TBC1D31: variants seen among roughly 807,000 people sequenced by gnomAD.
The protein encoded by TBC1D31 is WD repeat domain 67.
TBC1D31 carries 99 observed loss-of-function variants against 132.9 expected under a neutral mutation model. That is an observed-to-expected ratio of 0.74 (90% CI 0.63 to 0.88). The LOEUF is 0.88. Ranked by LOEUF, TBC1D31 falls within the 40% of genes least tolerant of loss-of-function variation. TBC1D31 has a pLI of 0.00. For missense variants in TBC1D31, 1,134 were observed against 1,256.6 expected, an observed-to-expected ratio of 0.90 and a Z score of 1.48; for synonymous variants, 385 against 419.4, an observed-to-expected ratio of 0.92 and a Z score of 1.00.
At chr8:123,115,387 T>C (rs1818823730) in intron 10 of TBC1D31, among the ~76,000 whole-genome samples, 1 of 152,252 alleles carries the variant, frequency 6.6e-6, no homozygotes, top group South Asian at 2.1e-4. Context: ...TTCCATGTCC[T>C]AGGCTCAGTA....
chr8:123,153,923 C>G (rs1822925703), downstream of TBC1D31, among the ~76,000 whole-genome samples: 1 of 152,222 alleles, frequency 6.6e-6, no homozygotes, highest in Admixed American at 6.5e-5. Flanking sequence ...AATCACTCTC[C>G]ACATTGGGCT....
intron 7 of TBC1D31, chr8:123,102,358 C>T (rs747817112): frequency 1.0e-5 from 4 of 389,920 alleles, no homozygotes; most frequent in East Asian, 7.7e-5. Flanking sequence ...CGTTTGCCAC[C>T]TTTTTTTATT....
At chr8:123,096,159 A>C (rs76853490) in intron 5 of TBC1D31, among the ~76,000 whole-genome samples, 1,938 of 152,216 alleles carry the variant, frequency 0.013, 45 homozygotes, top group African/African-American at 0.044. Context: ...AAGTCAGATC[A>C]TGTCACTTTC....
intron 1 of TBC1D31, among the ~76,000 whole-genome samples, chr8:123,076,780 A>AATG (rs1358957432): frequency 1.3e-5 from 2 of 152,152 alleles, no homozygotes; most frequent in African/African-American, 2.4e-5. Flanking sequence ...ATGTGTGTTT[A>AATG]TTTTTTTAAT....
intron 1 of TBC1D31, among the ~76,000 whole-genome samples, chr8:123,075,906 A>G (rs938188975): frequency 3.9e-5 from 6 of 152,286 alleles, no homozygotes; most frequent in African/African-American, 1.4e-4. Context: ...CAGGGTATAT[A>G]ATCCTTCTCT....
chr8:123,142,496 G>GTT, intron 19 of TBC1D31, 40 bp downstream of exon 19: 3 of 1,254,050 alleles, frequency 2.4e-6, no homozygotes, highest in Non-Finnish European at 3.2e-6. Context: ...ATCAAGCATT[G>GTT]ATTTTTTTTT....
the TBC1D31 span, among the ~76,000 whole-genome samples, chr8:123,157,219 CAA>C: frequency 6.6e-6 from 1 of 152,114 alleles, no homozygotes; most frequent in Non-Finnish European, 1.5e-5. Context: ...GGACAGCAAA[CAA>C]AATTATTGTG....
chr8:123,084,477 G>A, intron 4 of TBC1D31, 137 bp downstream of exon 4: 2 of 795,924 alleles, frequency 2.5e-6, no homozygotes, highest in South Asian at 4.1e-5. Flanking sequence ...AAAGCAAAGT[G>A]GCCAACACAA....
chr8:123,140,646 A>T, intron 17 of TBC1D31, 115 bp from the exon 18 acceptor site: 38 of 823,726 alleles, frequency 4.6e-5, no homozygotes, highest in Middle Eastern at 3.8e-4. Context: ...TTTTACTTTG[A>T]AAATTAGATG....
the TBC1D31 span, among the ~76,000 whole-genome samples, chr8:123,163,523 C>G: frequency 6.6e-6 from 1 of 151,926 alleles, no homozygotes; most frequent in African/African-American, 2.4e-5. Context: ...TGCCACCACA[C>G]CCGGTTAATT....
chr8:123,156,078 T>C (rs1213098790), downstream of TBC1D31, among the ~76,000 whole-genome samples: 1 of 152,154 alleles, frequency 6.6e-6, no homozygotes, highest in Non-Finnish European at 1.5e-5. Context: ...CCTAGAAAGA[T>C]TCAAGTGAAA....
rs1357684143 is a variant in TBC1D31, at chr8:123,089,279, C to G, written c.520-4312C>G. ...AGGAATACTCAGCCGTAGCACCTCC[C>G]TCAGGGTTGGTTTCAACATTAAGTG... On this transcript the variant is annotated intron_variant, in intron 4 of 21. Coordinates refer to ENST00000287380, the MANE Select transcript of TBC1D31 (RefSeq NM_145647.4). 2.0e-5 allele frequency among the ~76,000 whole-genome samples: 3 copies of G among 152,180 alleles called. No homozygotes were observed. The East Asian group carries it at 5.8e-4, about 29-fold the overall frequency.
intron 5 of TBC1D31, among the ~76,000 whole-genome samples, chr8:123,094,139 A>T (rs1281967197): frequency 6.6e-6 from 1 of 151,796 alleles, no homozygotes; most frequent in African/African-American, 2.4e-5. Context: ...ATCTCAGCTC[A>T]CTGCAACCTC....
chr8:123,152,831 A>T (rs566308562), downstream of TBC1D31, among the ~76,000 whole-genome samples: 1 of 152,294 alleles, frequency 6.6e-6, no homozygotes, highest in Non-Finnish European at 1.5e-5. Flanking sequence ...AGATCACGCC[A>T]CCGCACTCCA....
the TBC1D31 span, among the ~76,000 whole-genome samples, chr8:123,162,989 C>T: frequency 6.6e-6 from 1 of 152,072 alleles, no homozygotes; most frequent in African/African-American, 2.4e-5. Flanking sequence ...CGCCACCACA[C>T]TCAGCTAATT....
chr8:123,134,637 A>G (rs912708884), intron 17 of TBC1D31, among the ~76,000 whole-genome samples: 1 of 152,220 alleles, frequency 6.6e-6, no homozygotes, highest in African/African-American at 2.4e-5. Flanking sequence ...AGCAGAATAT[A>G]GTGCCACACA....
At chr8:123,112,303 T>C (rs1426938951) in intron 10 of TBC1D31, among the ~76,000 whole-genome samples, 1 of 152,256 alleles carries the variant, frequency 6.6e-6, no homozygotes, top group African/African-American at 2.4e-5. Context: ...ATTTGTTTTA[T>C]ACTTTTATAA....
At chr8:123,101,054 A>G (rs1476407424) in intron 7 of TBC1D31, 47 bp downstream of exon 7, 3 of 1,277,588 alleles carry the variant, frequency 2.3e-6, no homozygotes, top group Non-Finnish European at 1.1e-6. Flanking sequence ...AAACACTTAT[A>G]TATTATATCA....
Position 123,080,505 on chromosome 8 carries a change from G to GCTTTT in TBC1D31, c.225-2181_225-2177dup, listed in dbSNP as rs71310654. The stretch of plus-strand genomic sequence containing the variant: ...GTAAACTTTTAGACAAGAGCAGAGA[G>GCTTTT]CTTTTCTTTTCTTTTCTTTTATTCT... On this transcript the variant is annotated intron_variant, in intron 2 of 21. Transcript: ENST00000287380. Among the ~76,000 whole-genome samples the GCTTTT allele has an allele frequency of 8.4e-4, 121 of 143,356 alleles. 1 individual carries two copies. In the South Asian group the frequency reaches 0.016, roughly 19 times the overall value. 94.0% of individuals were successfully genotyped at this position (143,356 alleles called of 152,430 possible). A position where few individuals can be genotyped will look rare whatever the true frequency, so the allele number is the denominator to read the frequency against.
Sources: allele counts gnomAD v4.1 joint callset (sites outside exome capture counted in the v4.1 genomes callset), GRCh38; gene constraint gnomAD v4.1.1; transcripts MANE v1.5; gene names NCBI Gene and HGNC (gene_info 2026-07-23, HGNC 2026-07-21).